The following KCNMB4 variants were observed in gnomAD, a reference collection of about 807,000 sequenced individuals.
KCNMB4 encodes potassium calcium-activated channel subfamily M regulatory beta subunit 4.
A neutral mutation model predicts 20.7 loss-of-function variants in KCNMB4; 3 were observed. The observed-to-expected ratio is 0.14, with a 90% confidence interval of 0.07 to 0.37. KCNMB4 has a LOEUF of 0.37. Among genes scored for constraint, KCNMB4 ranks in the 10% least tolerant of loss-of-function variants. KCNMB4 has a pLI of 1.00. For synonymous variants in KCNMB4, 110 were observed against 113.4 expected (o/e 0.97, Z 0.19); for missense variants, 168 against 265.9 (o/e 0.63, Z 2.56).
At chr12:70,377,116 A>G (rs940775385) in intron 1 of KCNMB4, among the ~76,000 whole-genome samples, 3 of 152,204 alleles carry the variant, frequency 2.0e-5, no homozygotes, top group African/African-American at 7.2e-5. Context: ...TACAGTCTCT[A>G]GCAAAACCCC....
At chr12:70,368,180 A>C (rs61929943) in intron 1 of KCNMB4, among the ~76,000 whole-genome samples, 6 of 152,182 alleles carry the variant, frequency 3.9e-5, no homozygotes, top group Non-Finnish European at 7.3e-5. Flanking sequence ...TGTTCACAGG[A>C]AAACTTTCTG....
At chr12:70,382,023 A>T (rs1031628186) in intron 1 of KCNMB4, among the ~76,000 whole-genome samples, 1 of 152,248 alleles carries the variant, frequency 6.6e-6, no homozygotes, top group Non-Finnish European at 1.5e-5. Flanking sequence ...AATAAATTTT[A>T]AAAAACTAAT....
rs568394087 is a variant in KCNMB4 at position 70,433,230 on chromosome 12, C to A, written c.*2577C>A. Reference sequence around the variant, plus strand: ...GTTTTCATTCTCTTTTTGTATAAATCAGAAAATGATCTAAACTGCTGTAAC... The same window carrying A: ...GTTTTCATTCTCTTTTTGTATAAATAAGAAAATGATCTAAACTGCTGTAAC... On this transcript the variant is annotated 3_prime_UTR_variant, in exon 3 of 3. Coordinates refer to ENST00000258111, the MANE Select transcript of KCNMB4 (RefSeq NM_014505.6). The A allele has an allele frequency of 1.3e-5, 2 of 152,172 alleles. No homozygotes were observed. Among genetic ancestry groups the A allele is most frequent in the South Asian group, 4.1e-4 (2 of 4,830 alleles). 9.4% of individuals were successfully genotyped at this position (152,172 alleles called of 1,614,324 possible).
intron 1 of KCNMB4, among the ~76,000 whole-genome samples, chr12:70,372,247 G>A (rs1350062986): frequency 6.6e-6 from 1 of 152,174 alleles, no homozygotes; most frequent in Non-Finnish European, 1.5e-5. Flanking sequence ...AACACGATAC[G>A]GACTTTGGAT....
Position 70,404,570 on chromosome 12 carries a change from C to T in KCNMB4, c.464+4234C>T, listed in dbSNP as rs1868543688. Among the ~76,000 whole-genome samples the T allele has an allele frequency of 1.3e-5, 2 of 152,158 alleles. 1 individual carries two copies. Among genetic ancestry groups the T allele is most frequent in the South Asian group, 4.1e-4 (2 of 4,822 alleles). ...TTAGTCTGATTCCCAAAGTTCCCATCGACTATCTGCTGGTCCTCGTAAGAG... is the reference window on the plus strand; with the variant it reads ...TTAGTCTGATTCCCAAAGTTCCCATTGACTATCTGCTGGTCCTCGTAAGAG... On this transcript the variant is annotated intron_variant, in intron 2 of 2. Transcript: ENST00000258111.
At position 70,402,665 on chromosome 12, in the gene KCNMB4, A is replaced by G. The variant is rs12311911; in HGVS notation, c.464+2329A>G. On this transcript the variant is annotated intron_variant, in intron 2 of 2. Coordinates refer to ENST00000258111, the MANE Select transcript of KCNMB4 (RefSeq NM_014505.6). ...ATGAGACCCTGCCTCAAAAAAAAAA[A>G]AAAAAAAAAAGGAAGAAAGAAAAAA... Among the ~76,000 whole-genome samples the G allele has an allele frequency of 6.0e-3, 901 of 151,220 alleles. 12 individuals are homozygous for G. Among genetic ancestry groups the G allele is most frequent in the African/African-American group, 0.02 (828 of 41,110 alleles).
intron 2 of KCNMB4, among the ~76,000 whole-genome samples, chr12:70,426,779 A>G (rs922361630): frequency 6.6e-6 from 1 of 152,230 alleles, no homozygotes; most frequent in Non-Finnish European, 1.5e-5. Context: ...ATGTCCTACC[A>G]CAGCACCGGG....
chr12:70,408,476 A>C (rs1363245788), intron 2 of KCNMB4, among the ~76,000 whole-genome samples: 3 of 152,198 alleles, frequency 2.0e-5, no homozygotes, highest in Non-Finnish European at 4.4e-5. Context: ...TAAAAATCTA[A>C]GACAAAGATT....
At chr12:70,387,954 T>G (rs143623434) in intron 1 of KCNMB4, among the ~76,000 whole-genome samples, 1 of 152,274 alleles carries the variant, frequency 6.6e-6, no homozygotes, top group Non-Finnish European at 1.5e-5. Context: ...TCATTAACCA[T>G]CCCCACCTCC....
In KCNMB4 at chr12:70,432,435, T is replaced by C; in HGVS notation, c.*1782T>C. 1 of 152,366 alleles carries C rather than the reference T, an allele frequency of 6.6e-6. No individual in the cohort carries two copies. The allele number at this position is 152,366 out of a possible 1,614,324, so 9.4% of individuals were successfully genotyped here. On this transcript the variant is annotated 3_prime_UTR_variant, in exon 3 of 3. Coordinates refer to ENST00000258111, the MANE Select transcript of KCNMB4 (RefSeq NM_014505.6). Reference sequence around the variant, plus strand: ...TTTTTAACAGATGGGTATCTTGCTATGTTGCCCAGGATGGAGTGCAGTAGC... The same window carrying C: ...TTTTTAACAGATGGGTATCTTGCTACGTTGCCCAGGATGGAGTGCAGTAGC...
In KCNMB4 at chr12:70,433,214, C is replaced by T. The variant is rs192438359; in HGVS notation, c.*2561C>T. ...AGCTTACCTTCTTAATGTTTTCATT[C>T]TCTTTTTGTATAAATCAGAAAATGA... On this transcript the variant is annotated 3_prime_UTR_variant, in exon 3 of 3. Coordinates refer to ENST00000258111, the MANE Select transcript of KCNMB4 (RefSeq NM_014505.6). 5.3e-5 allele frequency: 8 copies of T among 152,198 alleles called. No homozygotes were observed. The East Asian group carries it at 1.5e-3, about 29-fold the overall frequency. 9.4% of individuals were successfully genotyped at this position (152,198 alleles called of 1,614,324 possible).
rs185935776 is a variant in KCNMB4, at chr12:70,394,916, C to G, written c.337-5293C>G. Among the ~76,000 whole-genome samples the G allele has an allele frequency of 2.4e-3, 358 of 152,224 alleles. 3 individuals are homozygous for G. The highest frequency in any genetic ancestry group is 2.9e-3 in the Non-Finnish European group (198 of 68,022). ...TCCTGAGCTCAAGTGATCCTCCTGCCTCATCCTCCCAACATGTTGGGATTA... is the reference window on the plus strand; with the variant it reads ...TCCTGAGCTCAAGTGATCCTCCTGCGTCATCCTCCCAACATGTTGGGATTA... On this transcript the variant is annotated intron_variant, in intron 1 of 2. Transcript: ENST00000258111.
chr12:70,403,990 C>T (rs12161821), intron 2 of KCNMB4, among the ~76,000 whole-genome samples: 3,222 of 152,246 alleles, frequency 0.021, 63 homozygotes, highest in East Asian at 0.097. Flanking sequence ...GGACTTATTG[C>T]TGAAAGCATA....
Position 70,366,637 on chromosome 12 carries a change from G to T in KCNMB4, c.-98G>T. On this transcript the variant is annotated 5_prime_UTR_variant, in exon 1 of 3. Coordinates refer to ENST00000258111, the MANE Select transcript of KCNMB4 (RefSeq NM_014505.6). ...TCCCCTGCTGTCGCGCGGCGGCGGC[G>T]GTGGCGGCGGCGGCTCCTCCCGCCC... is the stretch of plus-strand genomic sequence containing the variant. 1.1e-6 allele frequency: 1 copy of T among 895,112 alleles called. No homozygotes were observed. Among genetic ancestry groups the T allele is most frequent in the Non-Finnish European group, 1.4e-6 (1 of 691,906 alleles). 55.4% of individuals were successfully genotyped at this position (895,112 alleles called of 1,614,324 possible). A position where few individuals can be genotyped will look rare whatever the true frequency, so the allele number is the denominator to read the frequency against.
intron 1 of KCNMB4, among the ~76,000 whole-genome samples, chr12:70,390,239 G>A (rs551339958): frequency 6.6e-6 from 1 of 152,252 alleles, no homozygotes; most frequent in African/African-American, 2.4e-5. Context: ...GCACAAGATG[G>A]GGCAGGTGGT....
intron 2 of KCNMB4, among the ~76,000 whole-genome samples, chr12:70,407,299 C>T (rs1207118327): frequency 1.3e-5 from 2 of 151,966 alleles, no homozygotes; most frequent in Non-Finnish European, 2.9e-5. Flanking sequence ...CTTCCCAGCA[C>T]CTTGATGTAT....
rs1295845984 is a variant in KCNMB4 at position 70,431,875 on chromosome 12, T to G, written c.*1222T>G. On this transcript the variant is annotated 3_prime_UTR_variant, in exon 3 of 3. Transcript: ENST00000258111. ...AACTGACAACCTAATTTCATTTGTT[T>G]TCTTCTGATACTCTTCAGACATGCC... is the stretch of plus-strand genomic sequence containing the variant. 1 of 152,160 alleles carries G rather than the reference T, an allele frequency of 6.6e-6. No homozygotes were observed. The highest frequency in any genetic ancestry group is 1.5e-5 in the Non-Finnish European group (1 of 68,022). 9.4% of individuals were successfully genotyped at this position (152,160 alleles called of 1,614,324 possible).
intron 1 of KCNMB4, among the ~76,000 whole-genome samples, chr12:70,381,648 A>G (rs1018563927): frequency 2.0e-5 from 3 of 152,248 alleles, no homozygotes; most frequent in Non-Finnish European, 4.4e-5. Context: ...GTCCATTTAC[A>G]GGAAATGTCC....
intron 2 of KCNMB4, among the ~76,000 whole-genome samples, chr12:70,406,896 A>T (rs1011605054): frequency 2.6e-5 from 4 of 152,222 alleles, no homozygotes; most frequent in African/African-American, 9.6e-5. Flanking sequence ...CTAAAAGTAT[A>T]AAAGTATTTT....
Sources: allele counts gnomAD v4.1 joint callset (sites outside exome capture counted in the v4.1 genomes callset), GRCh38; gene constraint gnomAD v4.1.1; transcripts MANE v1.5; gene names NCBI Gene and HGNC (gene_info 2026-07-23, HGNC 2026-07-21).